The following CPNE4 variants were observed in gnomAD, a reference collection of about 807,000 sequenced individuals.
CPNE4 encodes the protein copine-4.
Under a neutral mutation model 67.9 loss-of-function variants are expected in CPNE4, and 25 were observed. That is an observed-to-expected ratio of 0.37 (90% CI 0.27 to 0.51). The LOEUF is 0.51. Among genes scored for constraint, CPNE4 ranks in the 20% least tolerant of loss-of-function variants. CPNE4 has a pLI of 0.93. For synonymous variants in CPNE4, 242 were observed against 244.9 expected (o/e 0.99, Z 0.11); for missense variants, 464 against 690.8 (o/e 0.67, Z 3.68).
intron 15 of CPNE4, chr3:131,537,751 G>A (rs1027234348): frequency 6.3e-6 from 1 of 159,518 alleles, no homozygotes; most frequent in Non-Finnish European, 1.4e-5. Context: ...TGGAGCTATA[G>A]CAACCATTTT....
At position 131,952,541 on chromosome 3, in the gene CPNE4, C is replaced by T. The variant is rs554218488; in HGVS notation, c.-1-47097G>A. ...GAGGTGGGGGCGTCAGCCTCCCGCC[C>T]GGCCAGCCACCCCATCCGGGAGGGA... On this transcript the variant is annotated intron_variant, in intron 1 of 15. Coordinates refer to ENST00000429747, the MANE Select transcript of CPNE4 (RefSeq NM_130808.3). Among the ~76,000 whole-genome samples the T allele has an allele frequency of 2.9e-4, 25 of 86,872 alleles. No homozygotes were observed. The South Asian group carries it at 3.7e-3, about 13-fold the overall frequency. 57.0% of individuals were successfully genotyped at this position (86,872 alleles called of 152,430 possible). A position where few individuals can be genotyped will look rare whatever the true frequency, so the allele number is the denominator to read the frequency against.
At chr3:131,718,503 C>G (rs2081797294) in intron 3 of CPNE4, among the ~76,000 whole-genome samples, 1 of 152,206 alleles carries the variant, frequency 6.6e-6, no homozygotes, top group South Asian at 2.1e-4. Context: ...TCCCTTCATG[C>G]TGCTGTGTCT....
intron 7 of CPNE4, among the ~76,000 whole-genome samples, chr3:131,624,760 G>A (rs1034231367): frequency 1.0e-4 from 15 of 147,794 alleles, no homozygotes; most frequent in Non-Finnish European, 2.1e-4. Context: ...GCGGAATAAC[G>A]TTTCTCCTAA....
At chr3:131,648,189 T>C (rs988728208) in intron 7 of CPNE4, among the ~76,000 whole-genome samples, 25 of 152,236 alleles carry the variant, frequency 1.6e-4, no homozygotes, top group Admixed American at 1.3e-4. Context: ...CTGAGAAACA[T>C]AGTGAAATCC....
At chr3:131,766,764 A>G (rs1323452295) in intron 2 of CPNE4, among the ~76,000 whole-genome samples, 1 of 152,206 alleles carries the variant, frequency 6.6e-6, no homozygotes, top group African/African-American at 2.4e-5. Flanking sequence ...CATATATGTA[A>G]TGAAATCGCA....
chr3:131,952,530 A>G (rs1454854323), intron 1 of CPNE4, among the ~76,000 whole-genome samples: 4 of 96,884 alleles, frequency 4.1e-5, no homozygotes, highest in Non-Finnish European at 8.2e-5. Flanking sequence ...TGGGGGCGTC[A>G]GCCTCCCGCC....
intron 6 of CPNE4, among the ~76,000 whole-genome samples, chr3:131,670,539 A>G (rs147603912): frequency 3.2e-4 from 48 of 152,306 alleles, no homozygotes; most frequent in African/African-American, 1.1e-3. Context: ...CTCTGTGCCT[A>G]GCATTGTACT....
At position 131,608,330 on chromosome 3, in the gene CPNE4, C is replaced by T. The variant is rs531093800; in HGVS notation, c.682-20748G>A. Among the ~76,000 whole-genome samples, 119 of 151,980 alleles carry T rather than the reference C, an allele frequency of 7.8e-4. 1 individual carries two copies. Among genetic ancestry groups the T allele is most frequent in the Non-Finnish European group, 1.1e-3 (74 of 67,998 alleles). On this transcript the variant is annotated intron_variant, in intron 7 of 15. Coordinates refer to ENST00000429747, the MANE Select transcript of CPNE4 (RefSeq NM_130808.3). ...CTAGTGGTGCATTTAATGTGGAGTA[C>T]GGTGGGTTTGGAGTGGATAGCAATC...
At chr3:131,838,851 G>A (rs2085661150) in intron 2 of CPNE4, among the ~76,000 whole-genome samples, 2 of 151,790 alleles carry the variant, frequency 1.3e-5, no homozygotes, top group South Asian at 2.1e-4. Flanking sequence ...ATGCACATAT[G>A]TGAATGTATT....
intron 7 of CPNE4, among the ~76,000 whole-genome samples, chr3:131,599,923 C>A (rs1939109557): frequency 6.6e-6 from 1 of 152,108 alleles, no homozygotes; most frequent in African/African-American, 2.4e-5. Flanking sequence ...TGTCTTTTCC[C>A]CAAACAGCAA....
chr3:131,812,720 C>A (rs1046009165), intron 2 of CPNE4, among the ~76,000 whole-genome samples: 6 of 152,180 alleles, frequency 3.9e-5, no homozygotes, highest in African/African-American at 1.4e-4. Context: ...TAAGTTACAG[C>A]TGAGAGGCCA....
At chr3:131,634,747 G>A (rs908246976) in intron 7 of CPNE4, among the ~76,000 whole-genome samples, 4 of 152,096 alleles carry the variant, frequency 2.6e-5, no homozygotes, top group Admixed American at 2.6e-4. Flanking sequence ...GTGAGAAACT[G>A]TAAAGCTTAA....
At chr3:131,948,709 A>G (rs1354342461) in intron 1 of CPNE4, among the ~76,000 whole-genome samples, 4 of 152,174 alleles carry the variant, frequency 2.6e-5, no homozygotes, top group Admixed American at 6.5e-5. Context: ...AATGTTTTCT[A>G]TCATGTTGAG....
At chr3:131,761,101 T>G (rs2082876541) in intron 2 of CPNE4, among the ~76,000 whole-genome samples, 1 of 151,944 alleles carries the variant, frequency 6.6e-6, no homozygotes, top group Non-Finnish European at 1.5e-5. Flanking sequence ...GGGTAAGATT[T>G]GCTTTTTCCC....
intron 15 of CPNE4, among the ~76,000 whole-genome samples, chr3:131,539,661 C>T (rs1935364761): frequency 6.6e-6 from 1 of 152,042 alleles, no homozygotes; most frequent in South Asian, 2.1e-4. Flanking sequence ...TTTCATAGTT[C>T]AGTGACATTG....
At chr3:131,844,790 G>C (rs2085933397) in intron 2 of CPNE4, among the ~76,000 whole-genome samples, 1 of 152,008 alleles carries the variant, frequency 6.6e-6, no homozygotes, top group Non-Finnish European at 1.5e-5. Flanking sequence ...TTAAATTGTA[G>C]AACCTATATA....
intron 1 of CPNE4, among the ~76,000 whole-genome samples, chr3:132,008,170 T>G (rs2073656237): frequency 6.6e-6 from 1 of 152,198 alleles, no homozygotes; most frequent in Non-Finnish European, 1.5e-5. Context: ...TATTTCTTAT[T>G]GAATGAGGAT....
intron 6 of CPNE4, among the ~76,000 whole-genome samples, chr3:131,683,768 A>C (rs576979275): frequency 6.6e-6 from 1 of 152,060 alleles, no homozygotes; most frequent in Admixed American, 6.6e-5. Context: ...GTGCCTTTCA[A>C]ATTTATTTAG....
intron 1 of CPNE4, among the ~76,000 whole-genome samples, chr3:132,031,792 C>A (rs2074241692): frequency 6.6e-6 from 1 of 152,096 alleles, no homozygotes; most frequent in Admixed American, 6.6e-5. Flanking sequence ...AATAAAGATT[C>A]CACCATTAAC....
Sources: allele counts gnomAD v4.1 joint callset (sites outside exome capture counted in the v4.1 genomes callset), GRCh38; gene constraint gnomAD v4.1.1; transcripts MANE v1.5; gene names NCBI Gene and HGNC (gene_info 2026-07-23, HGNC 2026-07-21).